Variants in ZDHHC14 observed in about 807,000 individuals in gnomAD.
ZDHHC14 encodes the protein zDHHC palmitoyltransferase 14, also known as palmitoyltransferase ZDHHC14.
Under a neutral mutation model 47.7 loss-of-function variants are expected in ZDHHC14, and 16 were observed. The ratio of observed to expected loss-of-function variants is 0.34; its 90% CI spans 0.23 to 0.51. The LOEUF is 0.51. ZDHHC14 is among the 20% of genes least tolerant of loss of function. The pLI is 0.97. For missense variants in ZDHHC14, 515 were observed against 662.5 expected (o/e 0.78, Z 2.44); for synonymous variants, 293 against 278.9 (o/e 1.05, Z -0.50).
At chr6:157,482,283 T>C (rs1182933039) in intron 1 of ZDHHC14, among the ~76,000 whole-genome samples, 16 of 142,030 alleles carry the variant, frequency 1.1e-4, no homozygotes, top group Middle Eastern at 3.5e-3. Context: ...TTTTTTGAGA[T>C]GGAGTCTTGC....
chr6:157,636,311 T>C (rs1206892115), intron 5 of ZDHHC14, among the ~76,000 whole-genome samples: 2 of 149,224 alleles, frequency 1.3e-5, no homozygotes, highest in African/African-American at 4.9e-5. Context: ...CACACACATA[T>C]ATAAGGACTA....
intron 1 of ZDHHC14, among the ~76,000 whole-genome samples, chr6:157,515,656 G>C (rs189598952): frequency 1.3e-5 from 2 of 151,334 alleles, no homozygotes; most frequent in African/African-American, 4.9e-5. Flanking sequence ...TAGTAGAGAC[G>C]GGGTTTCACC....
intron 3 of ZDHHC14, among the ~76,000 whole-genome samples, chr6:157,620,945 A>C (rs1417726243): frequency 6.6e-6 from 1 of 152,242 alleles, no homozygotes; most frequent in African/African-American, 2.4e-5. Context: ...TTTCATGAGA[A>C]TTAAATGACA....
rs548809350 is a variant in ZDHHC14 at position 157,582,892 on chromosome 6, A to T, written c.407-10096A>T. On this transcript the variant is annotated intron_variant, in intron 2 of 8. Transcript: ENST00000359775. This position sits in a 1 kb window ranked among gnomAD's most constrained non-coding sequence, Gnocchi z 4.3. Reference sequence around the variant, plus strand: ...TGAGTCGCTGATTTGGTCTCTTTACATAAGCCCATATTTCTCAGAGGTTTT... The same window carrying T: ...TGAGTCGCTGATTTGGTCTCTTTACTTAAGCCCATATTTCTCAGAGGTTTT... Among the ~76,000 whole-genome samples, 4 of 152,188 alleles carry T rather than the reference A, an allele frequency of 2.6e-5. No individual in the cohort carries two copies. The highest frequency in any genetic ancestry group is 4.1e-4 in the South Asian group (2 of 4,822).
chr6:157,467,256 T>G lies in ZDHHC14; in HGVS notation c.246-75329T>G, dbSNP rs142909774. 7.7e-3 allele frequency among the ~76,000 whole-genome samples: 1,171 copies of G among 152,268 alleles called. 15 individuals are homozygous for G. The highest frequency in any genetic ancestry group is 0.027 in the African/African-American group (1,127 of 41,544). ...CAGAGTTGTACAACTATCACTCTTC[T>G]CTAGTTTTAGAACCTTTTCATTGCC... On this transcript the variant is annotated intron_variant, in intron 1 of 8. Transcript: ENST00000359775.
intron 1 of ZDHHC14, among the ~76,000 whole-genome samples, chr6:157,513,411 C>T (rs1780565953): frequency 6.6e-6 from 1 of 152,152 alleles, no homozygotes; most frequent in South Asian, 2.1e-4. Flanking sequence ...GATAGTAAGT[C>T]AGTTTCATTC....
intron 5 of ZDHHC14, among the ~76,000 whole-genome samples, chr6:157,637,289 T>TC (rs1357514945): frequency 6.6e-6 from 1 of 152,130 alleles, no homozygotes; most frequent in African/African-American, 2.4e-5. Flanking sequence ...CAAGGGCCAC[T>TC]CAGGGGTCTG....
At chr6:157,491,260 C>T (rs1274399763) in intron 1 of ZDHHC14, among the ~76,000 whole-genome samples, 5 of 152,196 alleles carry the variant, frequency 3.3e-5, no homozygotes, top group Admixed American at 2.0e-4. Flanking sequence ...CAGACGTGCT[C>T]AACACCTATC....
chr6:157,505,665 T>C (rs1432620604), intron 1 of ZDHHC14, among the ~76,000 whole-genome samples: 2 of 152,218 alleles, frequency 1.3e-5, no homozygotes, highest in Admixed American at 6.5e-5. Flanking sequence ...CCATGAGTTA[T>C]TAAAACCCTG....
At chr6:157,441,188 A>G (rs1170252453) in intron 1 of ZDHHC14, among the ~76,000 whole-genome samples, 1 of 152,228 alleles carries the variant, frequency 6.6e-6, no homozygotes, top group Non-Finnish European at 1.5e-5. Context: ...AGAGATAGAA[A>G]ATAAGAGATA....
intron 5 of ZDHHC14, among the ~76,000 whole-genome samples, chr6:157,641,846 A>G (rs1290462052): frequency 4.6e-5 from 7 of 152,062 alleles, no homozygotes; most frequent in Non-Finnish European, 8.8e-5. Context: ...AATTTTGTGG[A>G]TGTGGTGCAA....
intron 1 of ZDHHC14, among the ~76,000 whole-genome samples, chr6:157,516,864 A>G (rs1380178953): frequency 1.3e-5 from 2 of 152,200 alleles, no homozygotes; most frequent in Admixed American, 1.3e-4. Flanking sequence ...TTCCAGATGA[A>G]ACCTGTTCCC....
At chr6:157,389,668 G>A (rs1777382686) in intron 1 of ZDHHC14, among the ~76,000 whole-genome samples, 1 of 152,102 alleles carries the variant, frequency 6.6e-6, no homozygotes. Context: ...TTGCTTAAGA[G>A]ATTACAATGT....
chr6:157,535,723 A>G (rs542276481), intron 1 of ZDHHC14, among the ~76,000 whole-genome samples: 295 of 152,264 alleles, frequency 1.9e-3, no homozygotes, highest in Non-Finnish European at 3.6e-3. Context: ...GTGATCTTGT[A>G]GGGGAATGTC....
intron 3 of ZDHHC14, among the ~76,000 whole-genome samples, chr6:157,611,805 C>G (rs1409629069): frequency 6.6e-6 from 1 of 152,208 alleles, no homozygotes; most frequent in Non-Finnish European, 1.5e-5. Flanking sequence ...GTTTGTGCAT[C>G]TTTTTGACCG....
chr6:157,597,236 C>G (rs139507116), intron 3 of ZDHHC14, among the ~76,000 whole-genome samples: 2 of 152,162 alleles, frequency 1.3e-5, no homozygotes, highest in African/African-American at 4.8e-5. Context: ...ATCATTAAAG[C>G]GAGAGAAACT....
intron 7 of ZDHHC14, among the ~76,000 whole-genome samples, chr6:157,648,562 A>C (rs565426378): frequency 1.3e-5 from 2 of 152,146 alleles, no homozygotes; most frequent in African/African-American, 4.8e-5. Context: ...TTAGCCTAGA[A>C]ACTTGGGAGC....
rs1780224093 is a variant in ZDHHC14 at position 157,502,985 on chromosome 6, C to T, written c.246-39600C>T. Reference sequence around the variant, plus strand: ...GAATTACAGGCATGAGCCACCGCACCCGGCTGTGTTTGTTTTTAAACTACA... The same window carrying T: ...GAATTACAGGCATGAGCCACCGCACTCGGCTGTGTTTGTTTTTAAACTACA... On this transcript the variant is annotated intron_variant, in intron 1 of 8. Transcript: ENST00000359775. The surrounding 1 kb of genome is among the most constrained non-coding windows in gnomAD (Gnocchi z 4.0). Among the ~76,000 whole-genome samples, 1 of 152,190 alleles carries T rather than the reference C, an allele frequency of 6.6e-6. No individual in the cohort carries two copies. Among genetic ancestry groups the T allele is most frequent in the Non-Finnish European group, 1.5e-5 (1 of 68,040 alleles).
chr6:157,486,721 G>A (rs915602881), intron 1 of ZDHHC14, among the ~76,000 whole-genome samples: 11 of 152,186 alleles, frequency 7.2e-5, no homozygotes, highest in Admixed American at 2.6e-4. Context: ...AGAGGAGGTC[G>A]TGCTGGAAGG....
Sources: allele counts gnomAD v4.1 joint callset (sites outside exome capture counted in the v4.1 genomes callset), GRCh38; gene constraint gnomAD v4.1.1; non-coding constraint Gnocchi (gnomAD v3.1); transcripts MANE v1.5; gene names NCBI Gene and HGNC (gene_info 2026-07-23, HGNC 2026-07-21).